DROSHA: variants seen among roughly 807,000 people sequenced by gnomAD.
DROSHA encodes the protein ribonuclease 3.
DROSHA carries 56 observed loss-of-function variants against 181.9 expected under a neutral mutation model. The observed-to-expected ratio is 0.31, with a 90% CI of 0.25 to 0.38. DROSHA has a LOEUF of 0.38. DROSHA is among the 10% of genes least tolerant of loss of function. The pLI is 1.00. For missense variants in DROSHA, 1,218 were observed against 1,743.5 expected, an observed-to-expected ratio of 0.70 and a Z score of 5.37; for synonymous variants, 524 against 591.2, an observed-to-expected ratio of 0.89 and a Z score of 1.65.
In DROSHA at chr5:31,529,031, G is replaced by A. The variant is rs756841996; in HGVS notation, c.20+9C>T. 73 of 1,612,798 alleles carry A rather than the reference G, an allele frequency of 4.5e-5. No homozygotes were observed. Among genetic ancestry groups the A allele is most frequent in the Middle Eastern group, 1.6e-4 (1 of 6,084 alleles). ...CCCAAACTATTGCCATTCCCATCAC[G>A]GCACTCACCATGTGTTTCCCTGCAT... On this transcript the variant is annotated intron_variant, in intron 4 of 35. Coordinates refer to ENST00000344624, the MANE Select transcript of DROSHA (RefSeq NM_001382508.1).
intron 4 of DROSHA, among the ~76,000 whole-genome samples, chr5:31,528,093 A>G (rs74634868): frequency 0.045 from 6,885 of 151,690 alleles, 472 homozygotes; most frequent in African/African-American, 0.15. Context: ...GCAGTCTCCC[A>G]TACCAGCTTC....
At chr5:31,469,553 G>T (rs1316019255) in intron 17 of DROSHA, among the ~76,000 whole-genome samples, 1 of 152,142 alleles carries the variant, frequency 6.6e-6, no homozygotes, top group African/African-American at 2.4e-5. Context: ...TAAGGTCAAA[G>T]AATTACTTTC....
rs781138849 is a variant in DROSHA, at chr5:31,451,647, A to G, written c.2575-7T>C. The G allele has an allele frequency of 6.3e-7, 1 of 1,593,664 alleles. No homozygotes were observed. Among genetic ancestry groups the G allele is most frequent in the South Asian group, 1.1e-5 (1 of 87,866 alleles). ...CAGGTAGCATCATTGCATGCTAGGA[A>G]AAAAAAAATTCAATATGTTTAACTT... On this transcript the variant is annotated splice_region_variant and splice_polypyrimidine_tract_variant and intron_variant, in intron 20 of 35. Transcript: ENST00000344624.
chr5:31,408,858 G>A, intron 33 of DROSHA, 198 bp downstream of exon 33: 1 of 517,220 alleles, frequency 1.9e-6, no homozygotes, highest in Non-Finnish European at 3.4e-6. Flanking sequence ...TAATGGAGTG[G>A]GACCCACTTA....
chr5:31,458,256 TGTAAGTCAAAGACCATCTGTACTCCCAAA>T (rs1004888667), intron 20 of DROSHA, among the ~76,000 whole-genome samples: 1 of 152,214 alleles, frequency 6.6e-6, no homozygotes, highest in Non-Finnish European at 1.5e-5. Context: ...GTAACCCCAT[TGTAAGTCAAAGACCATCTGTACTCCCAAA>T]CAAACAAGCA....
chr5:31,415,682 T>C (rs572628875), intron 30 of DROSHA, among the ~76,000 whole-genome samples: 4 of 152,292 alleles, frequency 2.6e-5, no homozygotes, highest in Non-Finnish European at 5.9e-5. Flanking sequence ...CATGCCACCA[T>C]TGGGTACAGT....
intron 20 of DROSHA, among the ~76,000 whole-genome samples, chr5:31,459,290 G>A (rs1748072842): frequency 6.6e-6 from 1 of 151,874 alleles, no homozygotes; most frequent in African/African-American, 2.4e-5. Flanking sequence ...AGCTATAGGA[G>A]GCTGAAGCAG....
intron 11 of DROSHA, among the ~76,000 whole-genome samples, chr5:31,501,548 G>T (rs1200459769): frequency 6.6e-6 from 1 of 152,060 alleles, no homozygotes; most frequent in Non-Finnish European, 1.5e-5. Flanking sequence ...AGGATCTGAA[G>T]GATATAGGGG....
At chr5:31,531,033 T>C in intron 2 of DROSHA, 109 bp from the exon 3 acceptor site, 1 of 391,568 alleles carries the variant, frequency 2.6e-6, no homozygotes, top group Non-Finnish European at 4.5e-6. Context: ...AAAGCAGGCC[T>C]TTTCACTGAG....
At chr5:31,465,888 C>T (rs947951575) in intron 19 of DROSHA, among the ~76,000 whole-genome samples, 3 of 152,144 alleles carry the variant, frequency 2.0e-5, no homozygotes, top group Non-Finnish European at 4.4e-5. Flanking sequence ...GCTTCTTGTA[C>T]AGCCTGCAGA....
intron 11 of DROSHA, among the ~76,000 whole-genome samples, chr5:31,501,582 A>G (rs1753577790): frequency 6.6e-6 from 1 of 152,112 alleles, no homozygotes; most frequent in Non-Finnish European, 1.5e-5. Context: ...CCTATCTCCA[A>G]TTAATTCACC....
Position 31,409,578 on chromosome 5 carries a change from T to C in DROSHA, c.3668-246A>G, listed in dbSNP as rs1579983635. Reference sequence around the variant, plus strand: ...TGCATTTAGCTAAGGGCTAAAGGAATAGCTTAAAAGGTACACAGAATGCCG... The same window carrying C: ...TGCATTTAGCTAAGGGCTAAAGGAACAGCTTAAAAGGTACACAGAATGCCG... On this transcript the variant is annotated intron_variant, in intron 31 of 35. Transcript: ENST00000344624. The surrounding 1 kb of genome is among the most constrained non-coding windows in gnomAD (Gnocchi z 4.0). 2.1e-6 allele frequency: 1 copy of C among 466,632 alleles called. No homozygotes were observed. Among genetic ancestry groups the C allele is most frequent in the East Asian group, 4.0e-5 (1 of 25,166 alleles). The allele number at this position is 466,632 out of a possible 1,614,324, so 28.9% of individuals were successfully genotyped here.
intron 19 of DROSHA, among the ~76,000 whole-genome samples, 200 bp from the exon 20 acceptor site, chr5:31,464,543 C>G (rs1748793288): frequency 1.4e-5 from 2 of 147,474 alleles, no homozygotes; most frequent in Middle Eastern, 3.4e-3. Context: ...CACAGCCCAG[C>G]CTTTCTTGGC....
At chr5:31,484,090 C>T (rs1255206815) in intron 15 of DROSHA, among the ~76,000 whole-genome samples, 2 of 151,916 alleles carry the variant, frequency 1.3e-5, no homozygotes, top group South Asian at 4.2e-4. Context: ...TACTTCCAAC[C>T]GCTGGGCGCA....
rs140681400 is a variant in DROSHA, at chr5:31,443,557, G to A, written c.2882+4990C>T. ...TGAATGAATTAAATATAACTATTCA[G>A]CTCAGATTTAGGTGGTTAAACAGTG... On this transcript the variant is annotated intron_variant, in intron 23 of 35. Transcript: ENST00000344624. Among the ~76,000 whole-genome samples the A allele has an allele frequency of 8.2e-4, 125 of 152,222 alleles. 2 individuals carry two copies. In the East Asian group the frequency reaches 0.019, roughly 23 times the overall value.
chr5:31,497,233 G>A (rs892235062), intron 11 of DROSHA, among the ~76,000 whole-genome samples: 1 of 152,122 alleles, frequency 6.6e-6, no homozygotes, highest in African/African-American at 2.4e-5. Context: ...GCCCTTCAGT[G>A]ATTGTACAGA....
chr5:31,401,625 T>C, intron 35 of DROSHA, 63 bp from the exon 36 acceptor site: 1 of 1,104,560 alleles, frequency 9.1e-7, no homozygotes, highest in Non-Finnish European at 1.2e-6. Context: ...GTGCAAAGAA[T>C]AATGCAACTA....
At chr5:31,509,130 T>C (rs1299176729) in intron 9 of DROSHA, among the ~76,000 whole-genome samples, 1 of 152,104 alleles carries the variant, frequency 6.6e-6, no homozygotes, top group Admixed American at 6.5e-5. Flanking sequence ...GCTGACAAAC[T>C]GGTTTTTGTG....
rs1740606089 is a variant in DROSHA at position 31,526,626 on chromosome 5, G to A, written c.307C>T (p.Pro103Ser). ...LPPCPIRPPF[P>S]NHQMRHPFPV... ...AAGGGGTGCCTCATCTGGTGGTTGG[G>A]GAAAGGCGGCCTGATTGGGCAGGGG... The change falls in exon 5 of 36, where the codon CCC becomes TCC. Residue 103 changes from proline to serine, a missense_variant. This residue lies in a region of DROSHA where 536 missense variants were observed against 535.4 expected (regional missense o/e 1.00). Coordinates refer to ENST00000344624, the MANE Select transcript of DROSHA (RefSeq NM_001382508.1). 1 of 1,520,756 alleles carries A rather than the reference G, an allele frequency of 6.6e-7. No homozygotes were observed. The highest frequency in any genetic ancestry group is 1.4e-5 in the African/African-American group (1 of 71,364). 94.2% of individuals were successfully genotyped at this position (1,520,756 alleles called of 1,614,324 possible).
Sources: allele counts gnomAD v4.1 joint callset (sites outside exome capture counted in the v4.1 genomes callset), GRCh38; gene constraint gnomAD v4.1.1; regional missense constraint gnomAD v4.1.1; non-coding constraint Gnocchi (gnomAD v3.1); transcripts MANE v1.5; gene names NCBI Gene and HGNC (gene_info 2026-07-23, HGNC 2026-07-21).